Variants in UVRAG observed in about 807,000 individuals in gnomAD.
The protein encoded by UVRAG is UV radiation resistance associated.
UVRAG carries 19 observed loss-of-function variants against 78.0 expected under a neutral mutation model. That is an observed-to-expected ratio of 0.24 (90% confidence interval 0.17 to 0.36). The LOEUF (loss-of-function observed/expected upper bound fraction) is 0.36. UVRAG is among the 10% of genes least tolerant of loss of function. The probability of loss-of-function intolerance (pLI) is 1.00; values close to 1 mark genes in which losing one functional copy is unlikely to be tolerated. For synonymous variants in UVRAG, 323 were observed against 324.6 expected (o/e 1.00, Z 0.05); for missense variants, 740 against 853.8 (o/e 0.87, Z 1.66).
chr11:76,029,920 AT>A lies in UVRAG; in HGVS notation c.1226+12942del, dbSNP rs370655057. Among the ~76,000 whole-genome samples the A allele has an allele frequency of 2.9e-3, 449 of 152,350 alleles. 6 individuals carry two copies. The highest frequency in any genetic ancestry group is 0.01 in the African/African-American group (427 of 41,594). On this transcript the variant is annotated intron_variant, in intron 12 of 14. Transcript: ENST00000356136. ...CCAACCTTCAGCAACCACCACCCTG[AT>A]TAGTCAATAGCTATTGCCAAGTAGG...
intron 1 of UVRAG, among the ~76,000 whole-genome samples, chr11:75,816,221 G>T (rs1305068585): frequency 6.6e-6 from 1 of 152,180 alleles, no homozygotes; most frequent in Non-Finnish European, 1.5e-5. Context: ...CCATCCTTTA[G>T]GAAGGGCTTT....
At chr11:75,831,903 G>A (rs943619950) in intron 1 of UVRAG, among the ~76,000 whole-genome samples, 3 of 152,108 alleles carry the variant, frequency 2.0e-5, no homozygotes, top group Admixed American at 6.5e-5. Flanking sequence ...GGGCAAAATC[G>A]TCTGACACAA....
chr11:75,874,032 G>A (rs1003963627), intron 3 of UVRAG, among the ~76,000 whole-genome samples: 4 of 152,272 alleles, frequency 2.6e-5, no homozygotes, highest in African/African-American at 7.2e-5. Flanking sequence ...ATGTTTAGTC[G>A]TTTGTTTTGT....
chr11:76,038,165 A>G lies in UVRAG; in HGVS notation c.1226+21185A>G, dbSNP rs145856075. On this transcript the variant is annotated intron_variant, in intron 12 of 14. Coordinates refer to ENST00000356136, the MANE Select transcript of UVRAG (RefSeq NM_003369.4). ...ATTGCTGTTAAGCTTTCATACAGTAAGAAATAAGACCAAGCTATGCTGGAG... is the reference window on the plus strand; with the variant it reads ...ATTGCTGTTAAGCTTTCATACAGTAGGAAATAAGACCAAGCTATGCTGGAG... Among the ~76,000 whole-genome samples the G allele has an allele frequency of 4.8e-3, 738 of 152,310 alleles. 5 individuals are homozygous for G. The highest frequency in any genetic ancestry group is 0.017 in the African/African-American group (713 of 41,560).
chr11:76,136,757 C>T (rs1403445931), intron 14 of UVRAG, among the ~76,000 whole-genome samples: 2 of 152,098 alleles, frequency 1.3e-5, no homozygotes, highest in Non-Finnish European at 2.9e-5. Flanking sequence ...CTTGGCCTCC[C>T]AAAGTGCTGG....
At chr11:76,045,723 A>C (rs1950739892) in intron 12 of UVRAG, among the ~76,000 whole-genome samples, 1 of 150,482 alleles carries the variant, frequency 6.6e-6, no homozygotes, top group South Asian at 2.1e-4. Context: ...AAAGCCGGAG[A>C]TCAAAGATAA....
At chr11:76,094,158 G>A (rs911775031) in intron 13 of UVRAG, among the ~76,000 whole-genome samples, 4 of 152,120 alleles carry the variant, frequency 2.6e-5, no homozygotes, top group Non-Finnish European at 5.9e-5. Context: ...GCTGGATTAC[G>A]TTTATTGATT....
chr11:76,005,141 A>T (rs957990605), intron 9 of UVRAG, among the ~76,000 whole-genome samples: 17 of 152,166 alleles, frequency 1.1e-4, no homozygotes, highest in African/African-American at 3.4e-4. Context: ...CAGGAGATCA[A>T]GACCATCCTG....
chr11:75,864,011 G>T, intron 3 of UVRAG, among the ~76,000 whole-genome samples: 1 of 151,254 alleles, frequency 6.6e-6, no homozygotes, highest in East Asian at 1.9e-4. Flanking sequence ...TTGAGATTTT[G>T]GCAAGGATTC....
At chr11:75,890,150 A>C (rs994434094) in intron 5 of UVRAG, among the ~76,000 whole-genome samples, 10 of 152,206 alleles carry the variant, frequency 6.6e-5, no homozygotes, top group African/African-American at 2.4e-4. Flanking sequence ...CAGCACGCAG[A>C]ACTTTTAAAG....
At chr11:75,850,590 A>G (rs1295655738) in intron 1 of UVRAG, among the ~76,000 whole-genome samples, 1 of 152,214 alleles carries the variant, frequency 6.6e-6, no homozygotes, top group East Asian at 1.9e-4. Flanking sequence ...CAGGTCTTTG[A>G]ACAGAGGAGC....
chr11:75,896,272 C>T (rs551369060), intron 5 of UVRAG, among the ~76,000 whole-genome samples: 37 of 152,034 alleles, frequency 2.4e-4, no homozygotes, highest in African/African-American at 8.2e-4. Context: ...TGGGTTTAAC[C>T]GCTATGATGG....
Position 75,946,146 on chromosome 11 carries a change from A to C in UVRAG, c.594-15298A>C, listed in dbSNP as rs1948584677. 2.6e-5 allele frequency among the ~76,000 whole-genome samples: 4 copies of C among 152,198 alleles called. No homozygotes were observed. The South Asian group carries it at 8.3e-4, about 32-fold the overall frequency. On this transcript the variant is annotated intron_variant, in intron 6 of 14. Transcript: ENST00000356136. Reference sequence around the variant, plus strand: ...AAATGTTTATTGCATGAATATGTAAATAAATGGTATATTTTTAGAGAGCAC... The same window carrying C: ...AAATGTTTATTGCATGAATATGTAACTAAATGGTATATTTTTAGAGAGCAC...
chr11:75,895,760 A>G (rs969408886), intron 5 of UVRAG, among the ~76,000 whole-genome samples: 13 of 152,114 alleles, frequency 8.5e-5, no homozygotes, highest in Non-Finnish European at 1.5e-5. Context: ...TACAGGCGTG[A>G]GCCACCACAC....
At chr11:75,943,268 AT>A (rs2135142451) in intron 6 of UVRAG, among the ~76,000 whole-genome samples, 1 of 148,792 alleles carries the variant, frequency 6.7e-6, no homozygotes, top group East Asian at 2.0e-4. Context: ...CAATTTGGTA[AT>A]TTATAGTTTG....
At chr11:76,109,719 C>T (rs906939264) in intron 13 of UVRAG, among the ~76,000 whole-genome samples, 8 of 152,176 alleles carry the variant, frequency 5.3e-5, no homozygotes, top group Admixed American at 3.3e-4. Flanking sequence ...AGTTCTTTCT[C>T]CCCTTTCCCT....
chr11:76,069,341 A>G (rs943888807), intron 13 of UVRAG, among the ~76,000 whole-genome samples: 4 of 152,106 alleles, frequency 2.6e-5, no homozygotes, highest in African/African-American at 9.7e-5. Flanking sequence ...GTGAAGCAAA[A>G]TGCCTTGTTT....
chr11:75,958,112 TTGCTGG>T (rs1046615499), intron 6 of UVRAG, among the ~76,000 whole-genome samples: 1 of 152,230 alleles, frequency 6.6e-6, no homozygotes, highest in Admixed American at 6.5e-5. Flanking sequence ...CCATATCTTT[TTGCTGG>T]TGGAGGGTCT....
At chr11:76,008,198 C>T (rs1177418129) in intron 10 of UVRAG, among the ~76,000 whole-genome samples, 3 of 152,160 alleles carry the variant, frequency 2.0e-5, no homozygotes, top group Non-Finnish European at 4.4e-5. Flanking sequence ...GTGTGAGCCA[C>T]TGCACCCTGC....
Sources: gnomAD v4.1 joint callset for allele counts (sites outside exome capture counted in the v4.1 genomes callset) on GRCh38, gnomAD v4.1.1 for gene constraint, MANE v1.5 for transcripts, NCBI Gene and HGNC (gene_info 2026-07-23, HGNC 2026-07-21) for gene names.